The following RBFOX2 variants were observed in gnomAD, a reference collection of about 807,000 sequenced individuals.
The protein encoded by RBFOX2 is RNA binding fox-1 homolog 2, also known as RNA binding protein fox-1 homolog 2.
Under a neutral mutation model 49.1 loss-of-function variants are expected in RBFOX2, and 10 were observed. The ratio of observed to expected loss-of-function variants is 0.20; its 90% confidence interval spans 0.13 to 0.35. The LOEUF (loss-of-function observed/expected upper bound fraction) is 0.35, where lower values mean the gene tolerates loss of function less well. Among genes scored for constraint, RBFOX2 ranks in the 10% least tolerant of loss-of-function variants. The probability of loss-of-function intolerance (pLI) is 1.00; values close to 1 mark genes in which losing one functional copy is unlikely to be tolerated. For synonymous variants in RBFOX2, 183 were observed against 187.4 expected, an observed-to-expected ratio of 0.98 and a Z score of 0.19; for missense variants, 323 against 486.9, an observed-to-expected ratio of 0.66 and a Z score of 3.17.
At chr22:35,764,434 A>G (rs1336323371) in intron 6 of RBFOX2, among the ~76,000 whole-genome samples, 1 of 151,988 alleles carries the variant, frequency 6.6e-6, no homozygotes, top group Non-Finnish European at 1.5e-5. Context: ...AATACAAAAA[A>G]TTAGCCAGGT....
chr22:35,928,093 C>A (rs1235808538), intron 1 of RBFOX2, among the ~76,000 whole-genome samples: 1 of 152,070 alleles, frequency 6.6e-6, no homozygotes, highest in Non-Finnish European at 1.5e-5. Context: ...ACTGTAACAA[C>A]CTTTCATAAT....
chr22:35,754,254 G>C (rs896654188), intron 9 of RBFOX2, among the ~76,000 whole-genome samples: 2 of 151,730 alleles, frequency 1.3e-5, no homozygotes, highest in African/African-American at 4.8e-5. Context: ...ACCACGCCTG[G>C]CTAATTTTTT....
chr22:35,921,950 C>T (rs2051075564), intron 1 of RBFOX2, among the ~76,000 whole-genome samples: 1 of 152,136 alleles, frequency 6.6e-6, no homozygotes, highest in South Asian at 2.1e-4. Context: ...TTTTCTCCTC[C>T]CACCCTAGGG....
At chr22:35,798,132 C>T (rs561423370) in intron 2 of RBFOX2, among the ~76,000 whole-genome samples, 19 of 152,146 alleles carry the variant, frequency 1.2e-4, no homozygotes, top group African/African-American at 3.6e-4. Context: ...TGCACCACCA[C>T]GCCTGGCTAA....
chr22:35,896,813 C>T (rs112477703), intron 1 of RBFOX2, among the ~76,000 whole-genome samples: 195 of 152,276 alleles, frequency 1.3e-3, no homozygotes, highest in Non-Finnish European at 2.4e-3. Context: ...AAGATTACTA[C>T]ATTTCTAGTA....
At chr22:35,776,274 A>G (rs1053542212) in intron 4 of RBFOX2, among the ~76,000 whole-genome samples, 6 of 152,252 alleles carry the variant, frequency 3.9e-5, no homozygotes, top group Admixed American at 6.5e-5. Flanking sequence ...ATAAGCATAA[A>G]TAGTTTACTG....
At chr22:36,015,770 TA>T (rs1033168645) in intron 1 of RBFOX2, among the ~76,000 whole-genome samples, 4 of 151,794 alleles carry the variant, frequency 2.6e-5, no homozygotes, top group African/African-American at 9.7e-5. Flanking sequence ...GGCAGGGGGC[TA>T]AAAAAAGATC....
In RBFOX2 at chr22:35,877,314, T is replaced by C. The variant is rs543956906; in HGVS notation, c.-34+61533A>G. On this transcript the variant is annotated intron_variant, in intron 1 of 13. Coordinates refer to the RBFOX2 transcript ENST00000359369. ...GGAAGAGAAAAAAAAGAGGGGAAAA[T>C]GTGGATATATAAAAGAATGCTATTA... 1.3e-4 allele frequency among the ~76,000 whole-genome samples: 19 copies of C among 151,538 alleles called. 1 individual carries two copies. In the South Asian group the frequency reaches 3.5e-3, roughly 28 times the overall value.
chr22:35,766,363 T>C (rs559096114), intron 5 of RBFOX2, among the ~76,000 whole-genome samples: 1 of 152,152 alleles, frequency 6.6e-6, no homozygotes, highest in Non-Finnish European at 1.5e-5. Flanking sequence ...AACATGCCAA[T>C]TGAAAAAAGA....
chr22:35,798,068 C>T (rs1412896688), intron 2 of RBFOX2, among the ~76,000 whole-genome samples: 2 of 152,170 alleles, frequency 1.3e-5, no homozygotes, highest in South Asian at 2.1e-4. Flanking sequence ...CTCTGCCTCC[C>T]GAGTTTAAGC....
intron 6 of RBFOX2, 76 bp from the exon 8 acceptor site, chr22:35,761,544 T>G: frequency 6.6e-7 from 1 of 1,511,814 alleles, no homozygotes; most frequent in Non-Finnish European, 9.2e-7. Flanking sequence ...TCAAGTTGGC[T>G]TCAGCCATCT....
At chr22:35,940,310 CAA>C (rs1457150567), upstream of RBFOX2, among the ~76,000 whole-genome samples, 2 of 152,122 alleles carry the variant, frequency 1.3e-5, no homozygotes, top group Non-Finnish European at 2.9e-5. Flanking sequence ...GACAGTTCTG[CAA>C]AAGAGATGTG....
chr22:35,755,554 C>T (rs117661124), intron 9 of RBFOX2, among the ~76,000 whole-genome samples: 1 of 152,074 alleles, frequency 6.6e-6, no homozygotes, highest in Non-Finnish European at 1.5e-5. Flanking sequence ...TTGCTGGCAT[C>T]GGTTCCTTAT....
intron 1 of RBFOX2, among the ~76,000 whole-genome samples, chr22:35,827,416 T>A (rs1340533488): frequency 2.0e-5 from 3 of 152,250 alleles, no homozygotes; most frequent in Non-Finnish European, 4.4e-5. Context: ...TTTTCCTGTG[T>A]TCTTGCTTAG....
intron 1 of RBFOX2, among the ~76,000 whole-genome samples, chr22:35,815,397 A>G (rs1952826754): frequency 6.6e-6 from 1 of 152,206 alleles, no homozygotes; most frequent in African/African-American, 2.4e-5. Flanking sequence ...ATGACCCAAA[A>G]TATAATTGTC....
intron 1 of RBFOX2, among the ~76,000 whole-genome samples, chr22:35,810,377 ACT>A (rs1951632917): frequency 6.6e-6 from 1 of 152,048 alleles, no homozygotes; most frequent in Non-Finnish European, 1.5e-5. Context: ...ACAGAGAGAG[ACT>A]CTGTCCCTAA....
intron 1 of RBFOX2, among the ~76,000 whole-genome samples, chr22:35,814,152 G>C (rs1952486423): frequency 6.6e-6 from 1 of 152,110 alleles, no homozygotes; most frequent in Admixed American, 6.6e-5. Context: ...TGTGAAATAT[G>C]CTAAATGTTT....
intron 1 of RBFOX2, among the ~76,000 whole-genome samples, chr22:35,971,152 G>A (rs918491609): frequency 1.3e-5 from 2 of 152,016 alleles, no homozygotes; most frequent in Non-Finnish European, 1.5e-5. Flanking sequence ...TCAAGCCCAC[G>A]TCAGAGCACA....
At chr22:35,975,118 A>C (rs2057081824) in intron 1 of RBFOX2, among the ~76,000 whole-genome samples, 1 of 152,200 alleles carries the variant, frequency 6.6e-6, no homozygotes, top group African/African-American at 2.4e-5. Flanking sequence ...AAGAAATATA[A>C]AATACAAGCC....
Sources: gnomAD v4.1 joint callset for allele counts (sites outside exome capture counted in the v4.1 genomes callset) on GRCh38, gnomAD v4.1.1 for gene constraint, MANE v1.5 for transcripts, NCBI Gene and HGNC (gene_info 2026-07-23, HGNC 2026-07-21) for gene names.